ATP1A4: variants seen among roughly 807,000 people sequenced by gnomAD.
ATP1A4 encodes sodium/potassium-transporting ATPase subunit alpha-4.
ATP1A4 carries 90 observed loss-of-function variants against 114.3 expected under a neutral mutation model. That is an observed-to-expected ratio of 0.79 (90% CI 0.66 to 0.94). The LOEUF (loss-of-function observed/expected upper bound fraction) is 0.94. Among genes scored for constraint, ATP1A4 ranks in the 40% least tolerant of loss-of-function variants. The pLI, the probability that ATP1A4 is intolerant of heterozygous loss-of-function variation, is 0.00. For synonymous variants in ATP1A4, 511 were observed against 494.1 expected (o/e 1.03, Z -0.45); for missense variants, 1,222 against 1,313.6 (o/e 0.93, Z 1.08).
rs766845849 is a variant in ATP1A4, at chr1:160,174,717, T to C, written c.2281T>C (p.Phe761Leu). The change falls in exon 15 of 22, where the codon TTT becomes CTT. Residue 761 changes from phenylalanine to leucine, a missense_variant. Transcript: ENST00000368081. ...AADMILLDDN[F>L]ASIVTGVEEG... The stretch of plus-strand genomic sequence containing the variant: ...CGACATGATCCTGCTGGATGACAAC[T>C]TTGCCTCCATCGTCACGGGGGTGGA... 4.2e-5 allele frequency: 67 copies of C among 1,613,976 alleles called. No homozygotes were observed. Among genetic ancestry groups the C allele is most frequent in the Non-Finnish European group, 5.3e-5 (63 of 1,180,026 alleles).
chr1:160,163,430 G>A (rs927878078), intron 6 of ATP1A4, among the ~76,000 whole-genome samples: 4 of 152,092 alleles, frequency 2.6e-5, no homozygotes, highest in Non-Finnish European at 4.4e-5. Context: ...GGGTTCCCAC[G>A]ACTCCCTCCT....
At chr1:160,172,055 T>C (rs1366789433) in intron 12 of ATP1A4, among the ~76,000 whole-genome samples, 1 of 152,166 alleles carries the variant, frequency 6.6e-6, no homozygotes, top group Non-Finnish European at 1.5e-5. Context: ...AAAACTTTCC[T>C]GGAGATTCCA....
rs1050286535 is a variant in ATP1A4, at chr1:160,152,287, C to T, written c.147+100C>T. 1.3e-5 allele frequency: 18 copies of T among 1,335,736 alleles called. No individual in the cohort carries two copies. In the East Asian group the frequency reaches 3.9e-4, roughly 29 times the overall value. The allele number at this position is 1,335,736 out of a possible 1,614,324, so 82.7% of individuals were successfully genotyped here. ...TGAGAATGAAACACACAGGCCAGAG[C>T]CACATCTCTTCTCTGTTAGGCTTTG... On this transcript the variant is annotated intron_variant, in intron 1 of 21. Transcript: ENST00000368081.
At chr1:160,158,386 T>A (rs566397287) in intron 4 of ATP1A4, among the ~76,000 whole-genome samples, 10 of 152,244 alleles carry the variant, frequency 6.6e-5, no homozygotes, top group South Asian at 2.1e-4. Flanking sequence ...ACTTTTTTTT[T>A]AATTTTTTGA....
intron 20 of ATP1A4, among the ~76,000 whole-genome samples, chr1:160,183,769 A>G (rs539934238): frequency 2.0e-5 from 3 of 152,186 alleles, no homozygotes; most frequent in Non-Finnish European, 4.4e-5. Context: ...ATTTTAATCA[A>G]AGTCAAAAAC....
intron 18 of ATP1A4, among the ~76,000 whole-genome samples, chr1:160,178,829 A>G (rs1307443172): frequency 1.3e-5 from 2 of 152,324 alleles, no homozygotes; most frequent in East Asian, 3.9e-4. Flanking sequence ...CTCCCCAACA[A>G]TATGTGTTTA....
chr1:160,176,318 C>A (rs1653462310), intron 16 of ATP1A4, 72 bp downstream of exon 16: 1 of 1,599,792 alleles, frequency 6.3e-7, no homozygotes, highest in Non-Finnish European at 8.6e-7. Context: ...CTGCCTGGAG[C>A]TATCTTACTA....
intron 4 of ATP1A4, among the ~76,000 whole-genome samples, chr1:160,157,224 G>C (rs1467585263): frequency 7.4e-6 from 1 of 134,400 alleles, no homozygotes; most frequent in Non-Finnish European, 1.7e-5. Context: ...TACATGTGCA[G>C]GTTTGTTATA....
Position 160,166,543 on chromosome 1 carries a change from A to G in ATP1A4, c.1063A>G (p.Thr355Ala), listed in dbSNP as rs777499913. The G allele has an allele frequency of 3.1e-6, 5 of 1,614,232 alleles. No homozygotes were observed. The South Asian group carries it at 5.5e-5, about 18-fold the overall frequency. ...TTGGCTTTAGGTGTGCCTGACCCTCACAGCCAAGCGCATGGCGCGGAAGAA... is the reference window on the plus strand; with the variant it reads ...TTGGCTTTAGGTGTGCCTGACCCTCGCAGCCAAGCGCATGGCGCGGAAGAA... ...LATVTVCLTL[T>A]AKRMARKNCL... is the part of the protein sequence containing the mutation. The change falls in exon 8 of 22, where the codon ACA becomes GCA. Residue 355 changes from threonine to alanine, a missense_variant. Thr to Ala is a moderately conservative substitution (Grantham distance 58). Coordinates refer to ENST00000368081, the MANE Select transcript of ATP1A4 (RefSeq NM_144699.4).
At chr1:160,156,625 G>A (rs1031939013) in intron 4 of ATP1A4, among the ~76,000 whole-genome samples, 1 of 151,974 alleles carries the variant, frequency 6.6e-6, no homozygotes, top group African/African-American at 2.4e-5. Context: ...GATCACCCAG[G>A]AGTTTGAGAT....
chr1:160,171,496 C>T, intron 11 of ATP1A4, 56 bp downstream of exon 11: 1 of 1,602,774 alleles, frequency 6.2e-7, no homozygotes, highest in South Asian at 1.1e-5. Flanking sequence ...GTTATTATCC[C>T]TGGGGTGAGA....
intron 20 of ATP1A4, among the ~76,000 whole-genome samples, chr1:160,185,173 T>C (rs549747173): frequency 2.0e-5 from 3 of 151,274 alleles, no homozygotes; most frequent in South Asian, 2.1e-4. Flanking sequence ...AGTGCAGTGG[T>C]GCGATCTCAG....
chr1:160,167,101 G>T (rs1326293834), intron 9 of ATP1A4, 24 bp downstream of exon 9: 37 of 1,608,602 alleles, frequency 2.3e-5, no homozygotes, highest in Non-Finnish European at 3.1e-5. Context: ...GGGGAAGAGG[G>T]TACCTCAGTG....
Position 160,186,714 on chromosome 1 carries a change from G to A in ATP1A4, c.*15G>A. Reference sequence around the variant, plus strand: ...CGTACTACTAAACTCAGCAGATGAAGAGCTTCATGTGACACAGGGGTGTTG... The same window carrying A: ...CGTACTACTAAACTCAGCAGATGAAAAGCTTCATGTGACACAGGGGTGTTG... On this transcript the variant is annotated 3_prime_UTR_variant, in exon 22 of 22. Transcript: ENST00000368081. 6.2e-7 allele frequency: 1 copy of A among 1,609,854 alleles called. No individual in the cohort carries two copies. The highest frequency in any genetic ancestry group is 8.5e-7 in the Non-Finnish European group (1 of 1,177,996).
At chr1:160,159,158 T>C (rs760492073) in intron 5 of ATP1A4, 22 bp downstream of exon 5, 10 of 1,611,340 alleles carry the variant, frequency 6.2e-6, no homozygotes, top group South Asian at 4.4e-5. Flanking sequence ...CCGAAAGCTA[T>C]GTGAGGGACC....
At chr1:160,160,668 A>G (rs776949446) in intron 6 of ATP1A4, among the ~76,000 whole-genome samples, 2 of 152,112 alleles carry the variant, frequency 1.3e-5, no homozygotes, top group Non-Finnish European at 2.9e-5. Context: ...CAAGAGTACA[A>G]CTCAATAGAA....
intron 4 of ATP1A4, among the ~76,000 whole-genome samples, chr1:160,157,193 C>T (rs1287414315): frequency 1.3e-5 from 2 of 150,986 alleles, no homozygotes; most frequent in Non-Finnish European, 3.0e-5. Flanking sequence ...TTATTTTGAG[C>T]TTTTATTTTA....
chr1:160,152,186 T>A lies in ATP1A4; in HGVS notation c.146T>A (p.Met49Lys), dbSNP rs760437076. 36 of 1,612,896 alleles carry A rather than the reference T, an allele frequency of 2.2e-5. No individual in the cohort carries two copies. Among genetic ancestry groups the A allele is most frequent in the Non-Finnish European group, 2.8e-5 (33 of 1,179,770 alleles). ...GAGGAACTGAAGAAGGAAGTGGTCATGGTGAGGCCACCCAAAGTGGGCGCT... is the reference window on the plus strand; with the variant it reads ...GAGGAACTGAAGAAGGAAGTGGTCAAGGTGAGGCCACCCAAAGTGGGCGCT... ...NMEELKKEVVMDDHKLTLEEL... is the reference protein window; with the variant it reads ...NMEELKKEVVKDDHKLTLEEL... Residue 49 changes from methionine (M) to lysine (K), a missense_variant and splice_region_variant, in exon 1 of 22, where the codon ATG becomes AAG. Met to Lys is a moderately conservative substitution (Grantham distance 95). Transcript: ENST00000368081.
intron 12 of ATP1A4, among the ~76,000 whole-genome samples, chr1:160,172,216 C>T (rs752306405): frequency 1.3e-5 from 2 of 152,092 alleles, no homozygotes; most frequent in African/African-American, 4.8e-5. Context: ...AGCTCCCAGG[C>T]GATGCTGTTG....
Sources: gnomAD v4.1 joint callset for allele counts (sites outside exome capture counted in the v4.1 genomes callset) on GRCh38, gnomAD v4.1.1 for gene constraint, MANE v1.5 for transcripts, NCBI Gene and HGNC (gene_info 2026-07-23, HGNC 2026-07-21) for gene names.